PCDH15: variants seen among roughly 807,000 people sequenced by gnomAD.
PCDH15 encodes protocadherin related 15, also known as protocadherin-15.
Under a neutral mutation model 178.5 loss-of-function variants are expected in PCDH15, and 129 were observed. The observed-to-expected ratio is 0.72, with a 90% CI of 0.63 to 0.84. PCDH15 has a LOEUF of 0.84. Among genes scored for constraint, PCDH15 ranks in the 40% least tolerant of loss-of-function variants. The pLI is 0.00. For synonymous variants in PCDH15, 800 were observed against 732.0 expected (o/e 1.09, Z -1.50); for missense variants, 2,230 against 2,099.9 (o/e 1.06, Z -1.21).
At chr10:55,546,258 T>C (rs1003643029) in intron 2 of PCDH15, among the ~76,000 whole-genome samples, 1 of 152,158 alleles carries the variant, frequency 6.6e-6, no homozygotes, top group Non-Finnish European at 1.5e-5. Context: ...ATAATTGATA[T>C]TTCCGACTGT....
chr10:54,764,320 T>A (rs1412133429), intron 1 of PCDH15, among the ~76,000 whole-genome samples: 1 of 152,074 alleles, frequency 6.6e-6, no homozygotes, highest in African/African-American at 2.4e-5. Context: ...TTCACTGGCA[T>A]GTTTTTTCAT....
At chr10:54,758,970 G>C (rs1227987274) in intron 1 of PCDH15, among the ~76,000 whole-genome samples, 1 of 151,588 alleles carries the variant, frequency 6.6e-6, no homozygotes, top group Admixed American at 6.6e-5. Context: ...TCATTTCCTG[G>C]TCTCCTACTG....
chr10:55,221,237 G>A (rs1189617421), intron 1 of PCDH15, among the ~76,000 whole-genome samples: 1 of 152,092 alleles, frequency 6.6e-6, no homozygotes. Context: ...AATTCAGAAT[G>A]TGGTTGTCTC....
At chr10:55,333,359 C>A in intron 2 of PCDH15, among the ~76,000 whole-genome samples, 1 of 151,748 alleles carries the variant, frequency 6.6e-6, no homozygotes, top group East Asian at 1.9e-4. Flanking sequence ...CTGTACAGTA[C>A]AAATCATCTT....
At chr10:54,719,498 T>C (rs746887196) in intron 1 of PCDH15, among the ~76,000 whole-genome samples, 3 of 150,480 alleles carry the variant, frequency 2.0e-5, no homozygotes, top group South Asian at 2.1e-4. Flanking sequence ...ATGGTAGCTA[T>C]TTTTATTATT....
At chr10:54,144,921 GAACA>G (rs2043762727) in intron 14 of PCDH15, among the ~76,000 whole-genome samples, 2 of 152,032 alleles carry the variant, frequency 1.3e-5, no homozygotes, top group Admixed American at 1.3e-4. Flanking sequence ...CGTCCTACAA[GAACA>G]AATATGTAAA....
chr10:54,454,327 G>T (rs2076676987), intron 3 of PCDH15, among the ~76,000 whole-genome samples: 1 of 149,248 alleles, frequency 6.7e-6, no homozygotes, highest in African/African-American at 2.4e-5. Flanking sequence ...TTCATTTATA[G>T]ATTATAAAGA....
intron 2 of PCDH15, among the ~76,000 whole-genome samples, chr10:54,619,624 A>C (rs1042396320): frequency 3.3e-5 from 5 of 152,030 alleles, no homozygotes; most frequent in Non-Finnish European, 5.9e-5. Flanking sequence ...AAGGTACTCT[A>C]AATTAAATAA....
At chr10:55,424,691 A>G (rs1224498384) in intron 2 of PCDH15, among the ~76,000 whole-genome samples, 2 of 152,124 alleles carry the variant, frequency 1.3e-5, no homozygotes, top group Non-Finnish European at 2.9e-5. Flanking sequence ...GGTGTATAGG[A>G]AAGAGCTGGA....
intron 1 of PCDH15, among the ~76,000 whole-genome samples, chr10:54,719,511 C>A (rs2095519753): frequency 1.3e-5 from 2 of 148,846 alleles, no homozygotes; most frequent in South Asian, 4.3e-4. Flanking sequence ...TTATTATTTC[C>A]TTTTTTTTTT....
At chr10:55,311,219 C>G (rs971371057) in intron 1 of PCDH15, among the ~76,000 whole-genome samples, 4 of 152,126 alleles carry the variant, frequency 2.6e-5, no homozygotes, top group Admixed American at 2.6e-4. Flanking sequence ...GTAATGCATG[C>G]TAAAGTCTAC....
In PCDH15 at chr10:54,017,851, G is replaced by A. The variant is rs192138419; in HGVS notation, c.2751+2341C>T. On this transcript the variant is annotated intron_variant, in intron 20 of 37. Transcript: ENST00000644397. ...AAAGAAAAGGTAGTGGAATACTTCC[G>A]TGTTTCACTGTGACTGAAGAATTAT... 7.0e-4 allele frequency among the ~76,000 whole-genome samples: 107 copies of A among 152,132 alleles called. 1 individual carries two copies. The highest frequency in any genetic ancestry group is 2.3e-3 in the African/African-American group (96 of 41,488).
At chr10:53,980,185 C>T (rs2134593128) in intron 21 of PCDH15, among the ~76,000 whole-genome samples, 1 of 149,406 alleles carries the variant, frequency 6.7e-6, no homozygotes, top group Admixed American at 6.7e-5. Context: ...CACACCACTA[C>T]ACTCCAGCCT....
intron 2 of PCDH15, among the ~76,000 whole-genome samples, chr10:55,094,352 G>A (rs1303254662): frequency 1.3e-5 from 2 of 151,934 alleles, no homozygotes; most frequent in Non-Finnish European, 2.9e-5. Flanking sequence ...GAGAACACTT[G>A]GACACAGGGT....
intron 1 of PCDH15, among the ~76,000 whole-genome samples, chr10:55,279,865 T>G (rs1269422078): frequency 1.3e-5 from 2 of 152,182 alleles, no homozygotes; most frequent in Admixed American, 6.5e-5. Context: ...TTCTTCCTAT[T>G]CAAAACCACA....
At chr10:54,920,506 G>A (rs1014009071) in intron 2 of PCDH15, among the ~76,000 whole-genome samples, 1 of 148,448 alleles carries the variant, frequency 6.7e-6, no homozygotes, top group African/African-American at 2.5e-5. Flanking sequence ...TCTCCAGTGT[G>A]TGTATATATT....
At chr10:55,113,287 T>C (rs1340220503) in intron 2 of PCDH15, among the ~76,000 whole-genome samples, 1 of 152,172 alleles carries the variant, frequency 6.6e-6, no homozygotes, top group Non-Finnish European at 1.5e-5. Context: ...TTTTCCCTAA[T>C]GTCCTTTCCC....
chr10:55,046,783 T>C (rs1841016659), intron 2 of PCDH15, among the ~76,000 whole-genome samples: 2 of 151,984 alleles, frequency 1.3e-5, no homozygotes, highest in African/African-American at 4.8e-5. Context: ...AGTGCATAAA[T>C]TATGGCATCT....
intron 2 of PCDH15, among the ~76,000 whole-genome samples, chr10:55,580,717 C>A (rs1481738836): frequency 6.6e-6 from 1 of 152,190 alleles, no homozygotes; most frequent in African/African-American, 2.4e-5. Flanking sequence ...ATCTATGAAA[C>A]AAAATCTATT....
Sources: allele counts gnomAD v4.1 joint callset (sites outside exome capture counted in the v4.1 genomes callset), GRCh38; gene constraint gnomAD v4.1.1; transcripts MANE v1.5; gene names NCBI Gene and HGNC (gene_info 2026-07-23, HGNC 2026-07-21).